LY75: variants seen among roughly 807,000 people sequenced by gnomAD.
The protein encoded by LY75 is C-type lectin domain family 13 member B.
LY75 carries 185 observed loss-of-function variants against 231.7 expected under a neutral mutation model. That is an observed-to-expected ratio of 0.80 (90% CI 0.71 to 0.90). LY75 has a LOEUF of 0.90. Among genes scored for constraint, LY75 ranks in the 40% least tolerant of loss-of-function variants. LY75 has a pLI of 0.00. For missense variants in LY75, 1,947 were observed against 2,050.2 expected (o/e 0.95, Z 0.97); for synonymous variants, 668 against 689.0 (o/e 0.97, Z 0.48).
Position 159,875,558 on chromosome 2 carries a change from A to C in LY75, c.1860T>G (p.Leu620=). Residue 620 remains leucine (L), a synonymous_variant, in exon 12 of 35, where the codon CTT becomes CTG. Transcript: ENST00000263636. ...GTCCACTCATTTTCTTGCAAATTGA[A>C]AGTGCTTTGAAGCTTCTGCAGTCCT... ...EVKDCRSFKA[L]SICKKMSGPL... 1 of 1,614,088 alleles carries C rather than the reference A, an allele frequency of 6.2e-7. No individual in the cohort carries two copies. Among genetic ancestry groups the C allele is most frequent in the Non-Finnish European group, 8.5e-7 (1 of 1,180,006 alleles).
intron 28 of LY75, among the ~76,000 whole-genome samples, chr2:159,821,846 C>A (rs1683302901): frequency 6.6e-6 from 1 of 152,180 alleles, no homozygotes; most frequent in Non-Finnish European, 1.5e-5. Flanking sequence ...CCGGGTTCAT[C>A]TCAATGGGAC....
chr2:159,837,630 C>G (rs923584091), intron 25 of LY75, among the ~76,000 whole-genome samples: 1 of 140,560 alleles, frequency 7.1e-6, no homozygotes, highest in Non-Finnish European at 1.5e-5. Context: ...TGTGTACCCC[C>G]TGAATCTTAA....
intron 28 of LY75, among the ~76,000 whole-genome samples, chr2:159,820,579 T>G (rs1484414360): frequency 6.6e-6 from 1 of 152,122 alleles, no homozygotes; most frequent in Admixed American, 6.5e-5. Context: ...CTAGGTACAG[T>G]GTACACTGCT....
intron 29 of LY75, among the ~76,000 whole-genome samples, chr2:159,817,260 A>C (rs1352089891): frequency 6.6e-6 from 1 of 152,240 alleles, no homozygotes; most frequent in African/African-American, 2.4e-5. Context: ...TGATTTAAGA[A>C]GCTCATATAT....
intron 9 of LY75, 144 bp from the exon 10 acceptor site, chr2:159,878,865 G>T: frequency 1.1e-6 from 1 of 879,212 alleles, no homozygotes; most frequent in Non-Finnish European, 1.7e-6. Context: ...TGTGATGAGG[G>T]TGGGATGCAA....
chr2:159,864,951 G>A (rs1402433223), intron 13 of LY75, 31 bp from the exon 14 acceptor site: 4 of 1,570,158 alleles, frequency 2.5e-6, no homozygotes, highest in Admixed American at 1.9e-5. Flanking sequence ...AAAAATACAG[G>A]ACAATGCTTG....
chr2:159,817,053 G>T, intron 29 of LY75, 21 bp from the exon 30 acceptor site: 1 of 1,549,370 alleles, frequency 6.5e-7, no homozygotes, highest in Non-Finnish European at 8.7e-7. Flanking sequence ...TAAAAGCACT[G>T]GTGATTAAAA....
chr2:159,835,503 C>A lies in LY75; in HGVS notation c.3650G>T (p.Gly1217Val). The change falls in exon 26 of 35, where the codon GGT becomes GTT. Residue 1217 changes from glycine to valine, a missense_variant. Transcript: ENST00000263636. The part of the protein sequence containing the change: ...KTVDCNDNQP[G>V]AICYYSGNET... ...ACTTCCTGAATAGTAGCAAATAGCACCTGGTTGATTGTCATTGCAATCAAC... is the reference window on the plus strand; with the variant it reads ...ACTTCCTGAATAGTAGCAAATAGCAACTGGTTGATTGTCATTGCAATCAAC... 6.2e-7 allele frequency: 1 copy of A among 1,607,732 alleles called. No homozygotes were observed. Among genetic ancestry groups the A allele is most frequent in the Non-Finnish European group, 8.5e-7 (1 of 1,177,622 alleles).
Position 159,820,023 on chromosome 2 carries a change from A to G in LY75, c.3959-103T>C, listed in dbSNP as rs1011255967. 12 of 1,178,594 alleles carry G rather than the reference A, an allele frequency of 1.0e-5. No homozygotes were observed. In the African/African-American group the frequency reaches 1.6e-4, roughly 15 times the overall value. 73.0% of individuals were successfully genotyped at this position (1,178,594 alleles called of 1,614,324 possible). ...ACTTGACTAATTTTCTCTTTTCCCAACCTTCTAAAAGGTTGTATGATTATG... is the reference window on the plus strand; with the variant it reads ...ACTTGACTAATTTTCTCTTTTCCCAGCCTTCTAAAAGGTTGTATGATTATG... On this transcript the variant is annotated intron_variant, in intron 28 of 34. Transcript: ENST00000263636.
chr2:159,836,994 T>C (rs1416679056), intron 25 of LY75, among the ~76,000 whole-genome samples: 1 of 152,254 alleles, frequency 6.6e-6, no homozygotes, highest in Non-Finnish European at 1.5e-5. Flanking sequence ...TCTTAATTGA[T>C]CTTAATTTAA....
chr2:159,809,717 G>A lies in LY75; in HGVS notation c.4699+809C>T, dbSNP rs1224944664. Among the ~76,000 whole-genome samples the A allele has an allele frequency of 9.4e-5, 14 of 148,404 alleles. No individual in the cohort carries two copies. The East Asian group carries it at 1.6e-3, about 17-fold the overall frequency. ...TTTTGAGATGGAGTCTTGCTCTGTC[G>A]CCCAGGCTGGAGCGCAGTGGCACAG... On this transcript the variant is annotated intron_variant, in intron 32 of 34. Coordinates refer to ENST00000263636, the MANE Select transcript of LY75 (RefSeq NM_002349.4).
rs1684506140 is a variant in LY75, at chr2:159,854,930, G to A, written c.2393C>T (p.Pro798Leu). ...TGGATTGTACCAGTCTGGTGTTTTTGGAGTACGGCCTGTATGAGGAAGAAA... is the reference window on the plus strand; with the variant it reads ...TGGATTGTACCAGTCTGGTGTTTTTAGAGTACGGCCTGTATGAGGAAGAAA... ...WVCQIPKGRT[P>L]KTPDWYNPDR... Residue 798 changes from proline to leucine, a missense_variant, in exon 17 of 35, where the codon CCA becomes CTA. By Grantham distance (98) the Pro-to-Leu change is moderately conservative. Transcript: ENST00000263636. The A allele has an allele frequency of 6.2e-7, 1 of 1,613,692 alleles. No individual in the cohort carries two copies. Among genetic ancestry groups the A allele is most frequent in the African/African-American group, 1.3e-5 (1 of 74,918 alleles).
chr2:159,832,477 G>T (rs1490088460), intron 27 of LY75, among the ~76,000 whole-genome samples: 1 of 152,172 alleles, frequency 6.6e-6, no homozygotes, highest in African/African-American at 2.4e-5. Flanking sequence ...GTGCCAAAAA[G>T]GTTGGGGACT....
chr2:159,806,909 G>A (rs1342395794), intron 34 of LY75, 64 bp downstream of exon 34: 1 of 1,523,054 alleles, frequency 6.6e-7, no homozygotes, highest in African/African-American at 1.4e-5. Context: ...GTACATAATT[G>A]GATTGTACAT....
At chr2:159,848,105 T>TACACACACAC (rs1412333259) in intron 23 of LY75, among the ~76,000 whole-genome samples, 1 of 133,312 alleles carries the variant, frequency 7.5e-6, no homozygotes, top group Non-Finnish European at 1.6e-5. Flanking sequence ...CACACACACA[T>TACACACACAC]ACACACACCA....
At position 159,875,606 on chromosome 2, in the gene LY75, C is replaced by T. The variant is rs1685243825; in HGVS notation, c.1812G>A (p.Lys604=). 1.2e-6 allele frequency: 2 copies of T among 1,613,994 alleles called. No individual in the cohort carries two copies. The highest frequency in any genetic ancestry group is 1.7e-6 in the Non-Finnish European group (2 of 1,179,988). The stretch of plus-strand genomic sequence containing the variant: ...CCTTCACCTCCCACTTTCCAACAGA[C>T]TTTCCAGTAGACATAGCCACGCAGC... ...PGGCVAMSTG[K]SVGKWEVKDC... The change falls in exon 12 of 35, where the codon AAG becomes AAA. Residue 604 remains lysine, a synonymous_variant. Coordinates refer to ENST00000263636, the MANE Select transcript of LY75 (RefSeq NM_002349.4).
Position 159,881,081 on chromosome 2 carries a change from A to G in LY75, c.1404+2T>C, listed in dbSNP as rs1245034127. 1.2e-6 allele frequency: 2 copies of G among 1,612,196 alleles called. No individual in the cohort carries two copies. The highest frequency in any genetic ancestry group is 1.7e-6 in the Non-Finnish European group (2 of 1,179,462). ...ATAAAGAAACCACAGGAGGTTTCGT[A>G]CCTCTCCTAAGTAGGAAACACAGTT... On this transcript the variant is annotated splice_donor_variant, in intron 8 of 34. Transcript: ENST00000263636. LOFTEE classifies it high-confidence loss of function.
At chr2:159,874,600 T>TATGTACATATTTTGTAAATATATATAAAG (rs1685161372) in intron 12 of LY75, among the ~76,000 whole-genome samples, 13 of 45,566 alleles carry the variant, frequency 2.9e-4, no homozygotes, top group African/African-American at 9.8e-4. Flanking sequence ...TATATATAAA[T>TATGTACATATTTTGTAAATATATATAAAG]ATATATATTT....
intron 13 of LY75, among the ~76,000 whole-genome samples, chr2:159,869,959 C>T (rs1397486696): frequency 6.6e-6 from 1 of 152,114 alleles, no homozygotes; most frequent in Admixed American, 6.5e-5. Flanking sequence ...ATACAAATTG[C>T]CTTGGGTCAG....
Sources: allele counts gnomAD v4.1 joint callset (sites outside exome capture counted in the v4.1 genomes callset), GRCh38; gene constraint gnomAD v4.1.1; transcripts MANE v1.5; gene names NCBI Gene and HGNC (gene_info 2026-07-23, HGNC 2026-07-21).